The following PTPRD variants were observed in gnomAD, a reference collection of about 807,000 sequenced individuals.
PTPRD encodes the protein protein tyrosine phosphatase receptor type D.
In PTPRD, 34 loss-of-function variants were observed where a neutral mutation model predicts 214.5. The ratio of observed to expected loss-of-function variants is 0.16; its 90% CI spans 0.12 to 0.21. The LOEUF (loss-of-function observed/expected upper bound fraction) is 0.21. Among genes scored for constraint, PTPRD ranks in the 10% least tolerant of loss-of-function variants. The probability of loss-of-function intolerance (pLI) is 1.00; values close to 1 mark genes in which losing one functional copy is unlikely to be tolerated. For synonymous variants in PTPRD, 1,128 were observed against 845.7 expected (o/e 1.33, Z -5.79); for missense variants, 2,545 against 2,398.7 (o/e 1.06, Z -1.27).
intron 2 of PTPRD, among the ~76,000 whole-genome samples, chr9:10,543,309 T>C (rs2059522188): frequency 6.6e-6 from 1 of 152,210 alleles, no homozygotes; most frequent in African/African-American, 2.4e-5. Flanking sequence ...TTTACTTATA[T>C]AATTTGATTT....
chr9:9,959,944 G>C (rs997781364), intron 4 of PTPRD, among the ~76,000 whole-genome samples: 3 of 152,110 alleles, frequency 2.0e-5, no homozygotes, highest in Non-Finnish European at 4.4e-5. Flanking sequence ...CTATACATGG[G>C]TTATGATTAA....
chr9:8,429,048 G>A (rs9792404), intron 35 of PTPRD, among the ~76,000 whole-genome samples: 20,269 of 152,158 alleles, frequency 0.13, 1,385 homozygotes, highest in East Asian at 0.17. Context: ...AAAGCAATGC[G>A]TCCTTAGCAT....
chr9:9,403,503 C>G (rs1010183591), intron 8 of PTPRD, among the ~76,000 whole-genome samples: 1 of 151,554 alleles, frequency 6.6e-6, no homozygotes, highest in Non-Finnish European at 1.5e-5. Flanking sequence ...TAATCACTCT[C>G]CACACCTCCA....
chr9:10,535,136 T>A (rs958305343), intron 2 of PTPRD, among the ~76,000 whole-genome samples: 5 of 152,184 alleles, frequency 3.3e-5, no homozygotes, highest in Non-Finnish European at 7.4e-5. Flanking sequence ...ATATTGTGGC[T>A]TGTTTTATGG....
chr9:9,646,854 T>C (rs191955734), intron 7 of PTPRD, among the ~76,000 whole-genome samples: 10 of 152,294 alleles, frequency 6.6e-5, no homozygotes, highest in Admixed American at 3.9e-4. Context: ...TAAAAGTATA[T>C]TGTAGTACAA....
chr9:8,535,636 T>G (rs1055055353), intron 14 of PTPRD, among the ~76,000 whole-genome samples: 1 of 151,920 alleles, frequency 6.6e-6, no homozygotes, highest in Non-Finnish European at 1.5e-5. Context: ...TTCCTCATCT[T>G]GGGGAGTAGG....
intron 5 of PTPRD, among the ~76,000 whole-genome samples, chr9:9,869,619 A>G (rs1334624712): frequency 6.6e-6 from 1 of 152,140 alleles, no homozygotes; most frequent in African/African-American, 2.4e-5. Flanking sequence ...GTAAAAGACA[A>G]TACCTAAATC....
rs34501354 is a variant in PTPRD, at chr9:8,791,523, C to CTTT, written c.-103-57580_-103-57578dup. Reference sequence around the variant, plus strand: ...ACAGGCATGAGCCACCATGCCCAGACTTTTTTTTTTTTTTTTTTTTTTGAG... The same window carrying CTTT: ...ACAGGCATGAGCCACCATGCCCAGACTTTTTTTTTTTTTTTTTTTTTTTTTGAG... On this transcript the variant is annotated intron_variant, in intron 11 of 45. Coordinates refer to ENST00000381196, the MANE Select transcript of PTPRD (RefSeq NM_002839.4). Among the ~76,000 whole-genome samples the CTTT allele has an allele frequency of 1.7e-3, 146 of 86,702 alleles. 2 individuals are homozygous for CTTT. Among genetic ancestry groups the CTTT allele is most frequent in the East Asian group, 5.0e-3 (16 of 3,184 alleles). The allele number at this position is 86,702 out of a possible 152,430, so 56.9% of individuals were successfully genotyped here.
chr9:10,474,547 T>C (rs1358141372), intron 2 of PTPRD, among the ~76,000 whole-genome samples: 1 of 152,118 alleles, frequency 6.6e-6, no homozygotes, highest in Non-Finnish European at 1.5e-5. Context: ...AGTAGGAGAC[T>C]TTAACACCCC....
At chr9:9,570,099 G>A (rs1003728698) in intron 8 of PTPRD, among the ~76,000 whole-genome samples, 1 of 151,394 alleles carries the variant, frequency 6.6e-6, no homozygotes, top group African/African-American at 2.4e-5. Context: ...TTATTGAATA[G>A]GAAGCAAAAA....
At chr9:10,578,370 A>G (rs117320337) in intron 2 of PTPRD, among the ~76,000 whole-genome samples, 4,590 of 152,200 alleles carry the variant, frequency 0.03, 116 homozygotes, top group East Asian at 0.083. Flanking sequence ...AAAATTATAT[A>G]TATTATCTGA....
intron 9 of PTPRD, among the ~76,000 whole-genome samples, chr9:9,341,297 T>C (rs1005179268): frequency 2.0e-5 from 3 of 152,080 alleles, no homozygotes; most frequent in Non-Finnish European, 2.9e-5. Context: ...GAGATGAATG[T>C]TACTTTAGGC....
intron 3 of PTPRD, among the ~76,000 whole-genome samples, chr9:10,046,601 T>A (rs16930904): frequency 0.3 from 45,166 of 151,688 alleles, 6,799 homozygotes; most frequent in East Asian, 0.34. Context: ...AAACAAGGCA[T>A]ATCTAAATAT....
At chr9:10,281,431 T>C (rs1343137293) in intron 3 of PTPRD, among the ~76,000 whole-genome samples, 1 of 151,032 alleles carries the variant, frequency 6.6e-6, no homozygotes, top group Non-Finnish European at 1.5e-5. Context: ...CATGCTTTGC[T>C]TTATGGAAAT....
intron 9 of PTPRD, among the ~76,000 whole-genome samples, chr9:9,306,289 C>T (rs569597022): frequency 7.3e-5 from 11 of 151,160 alleles, no homozygotes; most frequent in Admixed American, 2.0e-4. Context: ...CTCGGCTGGG[C>T]GCAGTGGCTC....
chr9:9,770,197 A>G (rs1432548496), intron 5 of PTPRD, among the ~76,000 whole-genome samples: 2 of 152,334 alleles, frequency 1.3e-5, no homozygotes, highest in East Asian at 1.9e-4. Context: ...GTCTTCCACA[A>G]TGGTTGAACT....
chr9:9,094,253 A>G (rs575418350), intron 10 of PTPRD, among the ~76,000 whole-genome samples: 3 of 152,258 alleles, frequency 2.0e-5, no homozygotes, highest in South Asian at 2.1e-4. Flanking sequence ...ACAACTCTCA[A>G]TTGCAAAGGT....
chr9:9,354,194 A>T lies in PTPRD; in HGVS notation c.-203+43255T>A, dbSNP rs140079131. ...TGATGGTTCCTCTTTCTTAAAGTTA[A>T]CTGTCCCATATAATATAACCTAATC... is the stretch of plus-strand genomic sequence containing the variant. On this transcript the variant is annotated intron_variant, in intron 9 of 45. Transcript: ENST00000381196. Among the ~76,000 whole-genome samples the T allele has an allele frequency of 2.3e-3, 355 of 151,856 alleles. 1 individual carries two copies. The highest frequency in any genetic ancestry group is 6.8e-3 in the Middle Eastern group (2 of 294).
chr9:10,074,980 G>A (rs1242129071), intron 3 of PTPRD, among the ~76,000 whole-genome samples: 1 of 152,084 alleles, frequency 6.6e-6, no homozygotes, highest in East Asian at 1.9e-4. Flanking sequence ...CTTTCAATAA[G>A]TGAGGAGATA....
Sources: gnomAD v4.1 joint callset for allele counts (sites outside exome capture counted in the v4.1 genomes callset) on GRCh38, gnomAD v4.1.1 for gene constraint, MANE v1.5 for transcripts, NCBI Gene and HGNC (gene_info 2026-07-23, HGNC 2026-07-21) for gene names.